MRTFB: variants seen among roughly 807,000 people sequenced by gnomAD.
MRTFB encodes the protein myocardin related transcription factor B.
A neutral mutation model predicts 104.2 loss-of-function variants in MRTFB; 29 were observed. That is an observed-to-expected ratio of 0.28 (90% CI 0.21 to 0.38). The LOEUF is 0.38. Ranked by LOEUF, MRTFB falls within the 10% of genes least tolerant of loss-of-function variation. The pLI, the probability that MRTFB is intolerant of heterozygous loss-of-function variation, is 1.00. For missense variants in MRTFB, 1,270 were observed against 1,341.6 expected, an observed-to-expected ratio of 0.95 and a Z score of 0.83; for synonymous variants, 535 against 519.5, an observed-to-expected ratio of 1.03 and a Z score of -0.41.
the MRTFB span, among the ~76,000 whole-genome samples, chr16:14,010,232 GCAGTTTAGCCTCAA>G: frequency 6.6e-6 from 1 of 152,252 alleles, no homozygotes; most frequent in East Asian, 1.9e-4. Context: ...CAAGGTCCAG[GCAGTTTAGCCTCAA>G]CAGTTCTTAC....
intron 2 of MRTFB, among the ~76,000 whole-genome samples, chr16:14,130,924 G>A (rs957635327): frequency 2.1e-4 from 32 of 152,016 alleles, no homozygotes; most frequent in Admixed American, 1.1e-3. Flanking sequence ...TCACAAGAAC[G>A]GCAGCATGGG....
chr16:14,028,567 C>A, the MRTFB span, among the ~76,000 whole-genome samples: 3 of 152,204 alleles, frequency 2.0e-5, no homozygotes, highest in South Asian at 6.2e-4. Context: ...CCCCTTCTCC[C>A]ACACATCTCT....
intron 8 of MRTFB, among the ~76,000 whole-genome samples, chr16:14,222,149 T>C (rs906111754): frequency 6.6e-6 from 1 of 152,184 alleles, no homozygotes; most frequent in African/African-American, 2.4e-5. Flanking sequence ...CAAATTTCTA[T>C]ATGACTTTCT....
intron 8 of MRTFB, among the ~76,000 whole-genome samples, chr16:14,226,164 A>T (rs753124499): frequency 6.6e-6 from 1 of 152,212 alleles, no homozygotes. Context: ...CAAACAATCT[A>T]CAGATTCAGT....
chr16:14,255,458 G>A (rs906871101), intron 15 of MRTFB, among the ~76,000 whole-genome samples: 4 of 152,366 alleles, frequency 2.6e-5, no homozygotes, highest in Non-Finnish European at 5.9e-5. Flanking sequence ...CTGGAAGAGT[G>A]CAACAGCACG....
chr16:14,242,761 T>C (rs2042829832), intron 10 of MRTFB, among the ~76,000 whole-genome samples: 1 of 152,134 alleles, frequency 6.6e-6, no homozygotes, highest in Non-Finnish European at 1.5e-5. Flanking sequence ...CTCCCCTCTA[T>C]TGATTTGGGA....
chr16:14,224,608 C>T (rs953376771), intron 8 of MRTFB, among the ~76,000 whole-genome samples: 2 of 151,456 alleles, frequency 1.3e-5, no homozygotes, highest in African/African-American at 4.8e-5. Flanking sequence ...TGGTCACCTA[C>T]AAGGAATCCT....
chr16:14,111,990 C>A (rs1368878932), intron 2 of MRTFB, among the ~76,000 whole-genome samples: 1 of 152,212 alleles, frequency 6.6e-6, no homozygotes, highest in East Asian at 1.9e-4. Flanking sequence ...TACCATCCCC[C>A]CTGATCTCTC....
chr16:14,096,273 A>G (rs950344630), intron 2 of MRTFB, among the ~76,000 whole-genome samples: 3 of 152,156 alleles, frequency 2.0e-5, no homozygotes, highest in East Asian at 1.9e-4. Context: ...GGGTTTTACC[A>G]TGTTGGCCAA....
At chr16:14,104,991 C>A (rs143292318) in intron 2 of MRTFB, among the ~76,000 whole-genome samples, 65 of 152,220 alleles carry the variant, frequency 4.3e-4, no homozygotes, top group African/African-American at 1.5e-3. Context: ...GTGCCCCTTT[C>A]TTGGTCTGAT....
intron 2 of MRTFB, among the ~76,000 whole-genome samples, chr16:14,080,889 C>T (rs1224919050): frequency 1.3e-5 from 2 of 152,206 alleles, no homozygotes; most frequent in Non-Finnish European, 2.9e-5. Flanking sequence ...ACCACATTTT[C>T]GTTATCCATT....
chr16:14,136,470 T>A (rs1212729099), intron 2 of MRTFB, among the ~76,000 whole-genome samples: 1 of 152,082 alleles, frequency 6.6e-6, no homozygotes, highest in Admixed American at 6.5e-5. Context: ...CACAGTAGGA[T>A]CACTCTGTCC....
At chr16:14,260,867 A>G (rs1337627547) in intron 16 of MRTFB, 42 bp from the exon 17 acceptor site, 1 of 1,514,396 alleles carries the variant, frequency 6.6e-7, no homozygotes, top group Non-Finnish European at 8.9e-7. Context: ...TTTAAGTAGT[A>G]GTAAATCTTC....
At chr16:14,172,185 A>C (rs186593609) in intron 3 of MRTFB, among the ~76,000 whole-genome samples, 326 of 152,174 alleles carry the variant, frequency 2.1e-3, no homozygotes, top group Middle Eastern at 3.4e-3. Context: ...CAATGAAGGT[A>C]ATAAATCTCA....
At chr16:14,235,276 C>T (rs753522289) in intron 9 of MRTFB, among the ~76,000 whole-genome samples, 3 of 152,244 alleles carry the variant, frequency 2.0e-5, no homozygotes, top group South Asian at 2.1e-4. Flanking sequence ...GGCTTCAGGA[C>T]ATACATCAGT....
At chr16:13,995,666 G>A in the MRTFB span, among the ~76,000 whole-genome samples, 1 of 152,334 alleles carries the variant, frequency 6.6e-6, no homozygotes, top group South Asian at 2.1e-4. Context: ...CATGAAGCAT[G>A]GCTGGGGAGG....
the MRTFB span, among the ~76,000 whole-genome samples, chr16:14,006,338 G>A: frequency 3.3e-4 from 50 of 151,138 alleles, no homozygotes; most frequent in African/African-American, 1.0e-3. Context: ...AGCAAAACTC[G>A]TCTCAAAAGA....
chr16:14,017,701 ATATATATATAT>A, the MRTFB span, among the ~76,000 whole-genome samples: 1 of 30,882 alleles, frequency 3.2e-5, no homozygotes, highest in South Asian at 1.7e-3. Context: ...ATATATATAT[ATATATATATAT>A]TTTTTTTTTT....
intron 7 of MRTFB, 138 bp from the exon 8 acceptor site, chr16:14,218,682 C>T (rs939739404): frequency 2.7e-6 from 2 of 749,644 alleles, no homozygotes; most frequent in African/African-American, 1.8e-5. Context: ...TGTTCTTGCA[C>T]TGGGAGGTAC....
Sources: gnomAD v4.1 joint callset for allele counts (sites outside exome capture counted in the v4.1 genomes callset) on GRCh38, gnomAD v4.1.1 for gene constraint, MANE v1.5 for transcripts, NCBI Gene and HGNC (gene_info 2026-07-23, HGNC 2026-07-21) for gene names.